Variants in ADARB2 observed in about 807,000 individuals in gnomAD.
The protein encoded by ADARB2 is inactive double-stranded RNA-specific editase B2.
A neutral mutation model predicts 62.2 loss-of-function variants in ADARB2; 25 were observed. That is an observed-to-expected ratio of 0.40 (90% CI 0.29 to 0.56). The LOEUF (loss-of-function observed/expected upper bound fraction) is 0.56, where lower values mean the gene tolerates loss of function less well. ADARB2 is among the 20% of genes least tolerant of loss of function. ADARB2 has a pLI of 0.43. For missense variants in ADARB2, 1,071 were observed against 1,077.4 expected (o/e 0.99, Z 0.08); for synonymous variants, 572 against 500.8 (o/e 1.14, Z -1.90).
chr10:1,209,326 C>A (rs141659009), intron 7 of ADARB2, among the ~76,000 whole-genome samples: 2 of 150,872 alleles, frequency 1.3e-5, no homozygotes, highest in African/African-American at 4.9e-5. Context: ...CCCACACCCA[C>A]GCCATCACCC....
chr10:1,501,394 C>T (rs1831767137), intron 1 of ADARB2, among the ~76,000 whole-genome samples: 1 of 152,122 alleles, frequency 6.6e-6, no homozygotes, highest in African/African-American at 2.4e-5. Context: ...CTCAATGTGC[C>T]ACACAGCCCA....
At chr10:1,193,724 G>C (rs760641679) in intron 8 of ADARB2, among the ~76,000 whole-genome samples, 6 of 152,152 alleles carry the variant, frequency 3.9e-5, no homozygotes, top group Non-Finnish European at 8.8e-5. Context: ...CTTGATATCA[G>C]ATCGTAAGTT....
chr10:1,517,660 A>G (rs2676716), intron 1 of ADARB2, among the ~76,000 whole-genome samples: 141,057 of 152,268 alleles, frequency 0.93, 66,271 homozygotes, highest in East Asian at 1. Flanking sequence ...CAGAATACTT[A>G]CACACGCAGC....
At chr10:1,396,918 C>G (rs76817216) in intron 1 of ADARB2, among the ~76,000 whole-genome samples, 1,332 of 42,212 alleles carry the variant, frequency 0.032, no homozygotes, top group East Asian at 0.044. Context: ...CTCCCGAGTG[C>G]AGGCTTCCTG....
chr10:1,185,105 C>T, intron 8 of ADARB2, 66 bp from the exon 9 acceptor site: 1 of 1,538,310 alleles, frequency 6.5e-7, no homozygotes, highest in Non-Finnish European at 8.8e-7. Flanking sequence ...CCCCCAAGGG[C>T]AGCTGCGGGG....
intron 1 of ADARB2, among the ~76,000 whole-genome samples, chr10:1,672,097 T>C (rs1056376991): frequency 9.3e-5 from 14 of 151,178 alleles, no homozygotes; most frequent in African/African-American, 3.4e-4. Context: ...GAGGTGGGCA[T>C]CAAGCAGAGC....
chr10:1,707,566 G>A lies in ADARB2; in HGVS notation c.100+29485C>T, dbSNP rs368081802. Among the ~76,000 whole-genome samples, 308 of 152,256 alleles carry A rather than the reference G, an allele frequency of 2.0e-3. 1 individual carries two copies. The highest frequency in any genetic ancestry group is 6.3e-3 in the African/African-American group (261 of 41,548). On this transcript the variant is annotated intron_variant, in intron 1 of 9. Coordinates refer to ENST00000381312, the MANE Select transcript of ADARB2 (RefSeq NM_018702.4). ...AAGATGGTGTTTGAAAATCGATCCC[G>A]TGGCCTGGTCTGTTAGGTGGAGAGT...
intron 1 of ADARB2, among the ~76,000 whole-genome samples, chr10:1,497,013 T>C (rs1831701639): frequency 6.6e-6 from 1 of 152,172 alleles, no homozygotes; most frequent in South Asian, 2.1e-4. Flanking sequence ...CAGAGGACCT[T>C]AGTCCAGCCC....
rs557944513 is a variant in ADARB2 at position 1,483,550 on chromosome 10, C to T, written c.101-104390G>A. On this transcript the variant is annotated intron_variant, in intron 1 of 9. Coordinates refer to ENST00000381312, the MANE Select transcript of ADARB2 (RefSeq NM_018702.4). ...ATTTTTTTTTCCTTGAGAAGAAACA[C>T]AGCTCTCTGTGGAAAAGTCAGAAAT... is the stretch of plus-strand genomic sequence containing the variant. 4.4e-4 allele frequency among the ~76,000 whole-genome samples: 67 copies of T among 152,252 alleles called. 1 individual carries two copies. The South Asian group carries it at 0.012, about 28-fold the overall frequency.
intron 7 of ADARB2, among the ~76,000 whole-genome samples, chr10:1,204,427 C>G (rs951972175): frequency 6.6e-6 from 1 of 152,222 alleles, no homozygotes; most frequent in Admixed American, 6.5e-5. Flanking sequence ...CACCTGAGTG[C>G]GTCTTAACAG....
chr10:1,435,287 G>A (rs1030651487), intron 1 of ADARB2, among the ~76,000 whole-genome samples: 2 of 152,228 alleles, frequency 1.3e-5, no homozygotes, highest in African/African-American at 4.8e-5. Flanking sequence ...CTTCCAAGCC[G>A]ATGCTTTTGC....
chr10:1,515,838 G>T (rs1355195411), intron 1 of ADARB2, among the ~76,000 whole-genome samples: 1 of 152,234 alleles, frequency 6.6e-6, no homozygotes, highest in Admixed American at 6.5e-5. Flanking sequence ...GCCGATTTGT[G>T]AGCAGATTTT....
At position 1,351,957 on chromosome 10, in the gene ADARB2, A is replaced by G. The variant is rs549019235; in HGVS notation, c.1077+11071T>C. Among the ~76,000 whole-genome samples the G allele has an allele frequency of 2.2e-4, 33 of 147,662 alleles. 2 individuals carry two copies. The highest frequency in any genetic ancestry group is 1.1e-3 in the South Asian group (5 of 4,710). On this transcript the variant is annotated intron_variant, in intron 3 of 9. Coordinates refer to ENST00000381312, the MANE Select transcript of ADARB2 (RefSeq NM_018702.4). The stretch of plus-strand genomic sequence containing the variant: ...CCTATCTTCAACACCTCCCTCCACA[A>G]CCCATTATTCTGTTCTGTATCTCAA...
chr10:1,604,284 A>G (rs758633891), intron 1 of ADARB2, among the ~76,000 whole-genome samples: 12 of 152,260 alleles, frequency 7.9e-5, no homozygotes, highest in Non-Finnish European at 1.5e-4. Context: ...AAGTTAGTGA[A>G]TGTCAGAGCC....
intron 6 of ADARB2, among the ~76,000 whole-genome samples, chr10:1,225,784 T>G (rs999955805): frequency 2.0e-5 from 3 of 151,886 alleles, no homozygotes; most frequent in Non-Finnish European, 4.4e-5. Context: ...AGATCAGCTG[T>G]TAGTCTGATG....
chr10:1,707,559 C>T (rs1241595917), intron 1 of ADARB2, among the ~76,000 whole-genome samples: 2 of 152,170 alleles, frequency 1.3e-5, no homozygotes, highest in South Asian at 2.1e-4. Flanking sequence ...GTTTGAAAAT[C>T]GATCCCGTGG....
At chr10:1,334,502 T>C (rs1831956409) in intron 3 of ADARB2, among the ~76,000 whole-genome samples, 1 of 152,238 alleles carries the variant, frequency 6.6e-6, no homozygotes, top group Non-Finnish European at 1.5e-5. Flanking sequence ...ATTTATAGTG[T>C]ATTGCATGTT....
chr10:1,372,759 C>T (rs1053466807), intron 2 of ADARB2, among the ~76,000 whole-genome samples: 7 of 152,202 alleles, frequency 4.6e-5, no homozygotes, highest in African/African-American at 7.2e-5. Context: ...TAGTCCACTC[C>T]GAAATTTATT....
At chr10:1,467,714 C>T (rs565076995) in intron 1 of ADARB2, among the ~76,000 whole-genome samples, 5 of 152,254 alleles carry the variant, frequency 3.3e-5, no homozygotes, top group Non-Finnish European at 5.9e-5. Context: ...CAGGCAGGGC[C>T]GGCACACCCT....
Sources: gnomAD v4.1 joint callset for allele counts (sites outside exome capture counted in the v4.1 genomes callset) on GRCh38, gnomAD v4.1.1 for gene constraint, MANE v1.5 for transcripts, NCBI Gene and HGNC (gene_info 2026-07-23, HGNC 2026-07-21) for gene names.